ADAMTS16: variants seen among roughly 807,000 people sequenced by gnomAD.
The protein encoded by ADAMTS16 is A disintegrin and metalloproteinase with thrombospondin motifs 16.
ADAMTS16 carries 94 observed loss-of-function variants against 145.8 expected under a neutral mutation model. That is an observed-to-expected ratio of 0.64 (90% CI 0.55 to 0.77). The LOEUF is 0.77. Ranked by LOEUF, ADAMTS16 falls within the 30% of genes least tolerant of loss-of-function variation. The pLI, the probability that ADAMTS16 is intolerant of heterozygous loss-of-function variation, is 0.00. For missense variants in ADAMTS16, 1,585 were observed against 1,591.5 expected (o/e 1.00, Z 0.07); for synonymous variants, 659 against 604.3 (o/e 1.09, Z -1.33).
intron 20 of ADAMTS16, among the ~76,000 whole-genome samples, chr5:5,305,027 A>ACC (rs1739997267): frequency 1.8e-5 from 1 of 56,478 alleles, no homozygotes; most frequent in Non-Finnish European, 3.8e-5. Context: ...ACACACACAC[A>ACC]CACATCCATC....
At chr5:5,174,488 T>A (rs1285292282) in intron 3 of ADAMTS16, among the ~76,000 whole-genome samples, 2 of 152,194 alleles carry the variant, frequency 1.3e-5, no homozygotes, top group Non-Finnish European at 2.9e-5. Context: ...TGGGTTTTGA[T>A]ATTTTTCTTT....
At chr5:5,155,985 C>T (rs913648160) in intron 3 of ADAMTS16, among the ~76,000 whole-genome samples, 2 of 152,046 alleles carry the variant, frequency 1.3e-5, no homozygotes, top group Non-Finnish European at 2.9e-5. Flanking sequence ...AAACAGGAAG[C>T]CCAATGGGAC....
chr5:5,242,264 T>C, intron 17 of ADAMTS16, 73 bp downstream of exon 17: 1 of 1,562,926 alleles, frequency 6.4e-7, no homozygotes, highest in Non-Finnish European at 8.7e-7. Context: ...GCACTGGCCT[T>C]TCTTGAATCC....
intron 16 of ADAMTS16, 57 bp downstream of exon 16, chr5:5,239,982 TG>T: frequency 1.3e-6 from 2 of 1,588,348 alleles, no homozygotes; most frequent in Non-Finnish European, 1.7e-6. Flanking sequence ...CTGGTGTCTG[TG>T]TAAGTTAATG....
intron 11 of ADAMTS16, among the ~76,000 whole-genome samples, chr5:5,226,097 C>T (rs927103703): frequency 1.2e-4 from 18 of 152,234 alleles, no homozygotes; most frequent in African/African-American, 4.3e-4. Context: ...GCGGTTTTTG[C>T]ACGACTCAGT....
At chr5:5,165,110 C>T (rs111893720) in intron 3 of ADAMTS16, among the ~76,000 whole-genome samples, 2 of 152,202 alleles carry the variant, frequency 1.3e-5, no homozygotes, top group African/African-American at 4.8e-5. Flanking sequence ...CCTTAGCAGT[C>T]ACTCCAGCCC....
rs181092097 is a variant in ADAMTS16, at chr5:5,225,833, T to C, written c.1701+2949T>C. On this transcript the variant is annotated intron_variant, in intron 11 of 22. Coordinates refer to ENST00000274181, the MANE Select transcript of ADAMTS16 (RefSeq NM_139056.4). ...TGAGTGGAGAGATGAATTTTAGTCT[T>C]GTCTTTGCCCTGTATCTGTGAAGAT... Among the ~76,000 whole-genome samples the C allele has an allele frequency of 7.9e-4, 120 of 152,350 alleles. 1 individual carries two copies. In the Middle Eastern group the frequency reaches 0.01, roughly 13 times the overall value.
intron 3 of ADAMTS16, among the ~76,000 whole-genome samples, chr5:5,154,527 A>G (rs1179895577): frequency 2.6e-5 from 4 of 152,250 alleles, no homozygotes; most frequent in Non-Finnish European, 5.9e-5. Context: ...AGTTGTAAAC[A>G]AAAATTAGAT....
Position 5,302,039 on chromosome 5 carries a change from G to A in ADAMTS16, c.2790-1229G>A, listed in dbSNP as rs558355359. ...ATCAAGTCCTCAGAAGTGACTCCAG[G>A]AGGCAGCTCAAGCCCTCCTGCCCAG... On this transcript the variant is annotated intron_variant, in intron 18 of 22. Coordinates refer to ENST00000274181, the MANE Select transcript of ADAMTS16 (RefSeq NM_139056.4). Among the ~76,000 whole-genome samples, 10 of 152,300 alleles carry A rather than the reference G, an allele frequency of 6.6e-5. No individual in the cohort carries two copies. In the East Asian group the frequency reaches 1.7e-3, roughly 27 times the overall value.
intron 18 of ADAMTS16, among the ~76,000 whole-genome samples, chr5:5,272,799 G>A (rs1738535334): frequency 6.6e-6 from 1 of 152,198 alleles, no homozygotes; most frequent in African/African-American, 2.4e-5. Context: ...GTATTAGAAT[G>A]CTTGGTGTTT....
At chr5:5,303,791 C>G (rs778967933) in intron 20 of ADAMTS16, 25 bp downstream of exon 20, 4 of 1,607,642 alleles carry the variant, frequency 2.5e-6, no homozygotes, top group Non-Finnish European at 2.6e-6. Flanking sequence ...CTCGCGGGAG[C>G]GAGGTTGACT....
chr5:5,283,685 T>C (rs1488475938), intron 18 of ADAMTS16, among the ~76,000 whole-genome samples: 3 of 152,216 alleles, frequency 2.0e-5, no homozygotes, highest in Non-Finnish European at 4.4e-5. Flanking sequence ...TTTATGTACA[T>C]GACACTGTGT....
Position 5,140,438 on chromosome 5 carries a change from G to A in ADAMTS16, c.-30G>A. On this transcript the variant is annotated 5_prime_UTR_variant, in exon 1 of 23. In the 5' UTR this introduces an upstream ATG that the reference lacks. Coordinates refer to ENST00000274181, the MANE Select transcript of ADAMTS16 (RefSeq NM_139056.4). Reference sequence around the variant, plus strand: ...CACGCTGCCGGCCGGGGACCCTCCGGTGGCCCCTAGCCCCTCGGAGCGCTC... The same window carrying A: ...CACGCTGCCGGCCGGGGACCCTCCGATGGCCCCTAGCCCCTCGGAGCGCTC... 1 of 1,492,144 alleles carries A rather than the reference G, an allele frequency of 6.7e-7. No individual in the cohort carries two copies. Among genetic ancestry groups the A allele is most frequent in the Non-Finnish European group, 8.9e-7 (1 of 1,128,844 alleles). The allele number at this position is 1,492,144 out of a possible 1,614,324, so 92.4% of individuals were successfully genotyped here.
intron 18 of ADAMTS16, among the ~76,000 whole-genome samples, chr5:5,296,553 C>T (rs1291904445): frequency 6.6e-6 from 1 of 152,158 alleles, no homozygotes; most frequent in Non-Finnish European, 1.5e-5. Flanking sequence ...CTGGATGTTA[C>T]ATTTCAAAAA....
At chr5:5,220,131 T>C (rs1436308059) in intron 10 of ADAMTS16, among the ~76,000 whole-genome samples, 1 of 150,902 alleles carries the variant, frequency 6.6e-6, no homozygotes, top group African/African-American at 2.4e-5. Context: ...CAGATAATGA[T>C]AAGGAACATA....
chr5:5,231,823 A>G (rs1356927035), intron 11 of ADAMTS16, among the ~76,000 whole-genome samples: 1 of 152,072 alleles, frequency 6.6e-6, no homozygotes, highest in Non-Finnish European at 1.5e-5. Flanking sequence ...TTGCTTCATC[A>G]CCCTGGAAGC....
At position 5,237,066 on chromosome 5, in the gene ADAMTS16, T is replaced by C. The variant is rs775270035; in HGVS notation, c.2121T>C (p.Asp707=). The C allele has an allele frequency of 1.9e-6, 3 of 1,614,134 alleles. No individual in the cohort carries two copies. Among genetic ancestry groups the C allele is most frequent in the East Asian group, 4.5e-5 (2 of 44,876 alleles). The stretch of plus-strand genomic sequence containing the variant: ...AAGATGGGACTCCATGCTCGGAGGA[T>C]AGCCGTAATGTTTGTATAGATGGGA... The part of the protein sequence containing the change: ...KVKDGTPCSE[D]SRNVCIDGIC... The change falls in exon 14 of 23, where the codon GAT becomes GAC. Residue 707 remains aspartate, a synonymous_variant. Transcript: ENST00000274181.
chr5:5,274,448 A>G (rs1738605684), intron 18 of ADAMTS16, among the ~76,000 whole-genome samples: 1 of 152,140 alleles, frequency 6.6e-6, no homozygotes, highest in Non-Finnish European at 1.5e-5. Flanking sequence ...ATATAGTTGG[A>G]ATCATACAGC....
In ADAMTS16 at chr5:5,269,494, C is replaced by T. The variant is rs1449501959; in HGVS notation, c.2789+6711C>T. Among the ~76,000 whole-genome samples, 1 of 152,146 alleles carries T rather than the reference C, an allele frequency of 6.6e-6. No homozygotes were observed. Among genetic ancestry groups the T allele is most frequent in the Non-Finnish European group, 1.5e-5 (1 of 68,032 alleles). ...ACATCACCTGCAATCTCCTCCATCTCCCTGCCCCACACTCTCCACCTGGGA... is the reference window on the plus strand; with the variant it reads ...ACATCACCTGCAATCTCCTCCATCTTCCTGCCCCACACTCTCCACCTGGGA... On this transcript the variant is annotated intron_variant, in intron 18 of 22. Coordinates refer to ENST00000274181, the MANE Select transcript of ADAMTS16 (RefSeq NM_139056.4). This position sits in a 1 kb window ranked among gnomAD's most constrained non-coding sequence, Gnocchi z 4.3.
Sources: allele counts gnomAD v4.1 joint callset (sites outside exome capture counted in the v4.1 genomes callset), GRCh38; gene constraint gnomAD v4.1.1; non-coding constraint Gnocchi (gnomAD v3.1); transcripts MANE v1.5; gene names NCBI Gene and HGNC (gene_info 2026-07-23, HGNC 2026-07-21).